Variants in YEATS2 observed in about 807,000 individuals in gnomAD.
YEATS2 encodes the protein YEATS domain containing 2, also known as YEATS domain-containing protein 2.
Under a neutral mutation model 163.2 loss-of-function variants are expected in YEATS2, and 77 were observed. The ratio of observed to expected loss-of-function variants is 0.47; its 90% CI spans 0.39 to 0.57. The LOEUF (loss-of-function observed/expected upper bound fraction) is 0.57. Among genes scored for constraint, YEATS2 ranks in the 20% least tolerant of loss-of-function variants. The probability of loss-of-function intolerance (pLI) is 0.00; values close to 1 mark genes in which losing one functional copy is unlikely to be tolerated. For missense variants in YEATS2, 1,549 were observed against 1,729.8 expected, an observed-to-expected ratio of 0.90 and a Z score of 1.85; for synonymous variants, 631 against 645.1, an observed-to-expected ratio of 0.98 and a Z score of 0.33.
intron 8 of YEATS2, among the ~76,000 whole-genome samples, chr3:183,737,037 T>G (rs1718412322): frequency 6.6e-6 from 1 of 152,202 alleles, no homozygotes; most frequent in Non-Finnish European, 1.5e-5. Context: ...ATATTTTGTA[T>G]CTTATATATA....
At chr3:183,740,668 A>T (rs546456355) in intron 8 of YEATS2, among the ~76,000 whole-genome samples, 8 of 152,320 alleles carry the variant, frequency 5.3e-5, no homozygotes, top group African/African-American at 1.9e-4. Flanking sequence ...TTGGTTCGTG[A>T]GGTTTAAGGA....
chr3:183,807,060 G>A lies in YEATS2; in HGVS notation c.3979G>A (p.Gly1327Arg). ...EVKFYLPPTP[G>R]SEFIGDVTQK... is the part of the protein sequence containing the mutation. Reference sequence around the variant, plus strand: ...CAAGTTCTACCTGCCACCAACCCCAGGGTCTGAATTTATTGGGGATGTCAC... The same window carrying A: ...CAAGTTCTACCTGCCACCAACCCCAAGGTCTGAATTTATTGGGGATGTCAC... Residue 1327 changes from glycine (G) to arginine (R), a missense_variant, in exon 28 of 31, where the codon GGG becomes AGG. Gly to Arg is a moderately radical substitution (Grantham distance 125, BLOSUM62 -2). Transcript: ENST00000305135. The A allele has an allele frequency of 6.2e-7, 1 of 1,613,924 alleles. No homozygotes were observed. The highest frequency in any genetic ancestry group is 8.5e-7 in the Non-Finnish European group (1 of 1,179,998).
At chr3:183,793,994 T>G (rs1220517589) in intron 21 of YEATS2, among the ~76,000 whole-genome samples, 1 of 152,198 alleles carries the variant, frequency 6.6e-6, no homozygotes, top group Non-Finnish European at 1.5e-5. Flanking sequence ...CATCGTAAAC[T>G]GCATTAAACT....
At chr3:183,737,704 A>G (rs1332745708) in intron 8 of YEATS2, among the ~76,000 whole-genome samples, 2 of 152,248 alleles carry the variant, frequency 1.3e-5, no homozygotes, top group African/African-American at 2.4e-5. Flanking sequence ...AAATCCTTTA[A>G]TGATAAATGT....
chr3:183,783,893 C>T (rs1433081966), intron 19 of YEATS2, among the ~76,000 whole-genome samples: 1 of 152,086 alleles, frequency 6.6e-6, no homozygotes, highest in African/African-American at 2.4e-5. Flanking sequence ...GATATATACA[C>T]ATAGATTGCT....
intron 7 of YEATS2, among the ~76,000 whole-genome samples, chr3:183,729,115 AC>A (rs1309853664): frequency 6.6e-6 from 1 of 152,112 alleles, no homozygotes; most frequent in African/African-American, 2.4e-5. Context: ...CACTAAAGAT[AC>A]AAAAAATTAG....
chr3:183,809,260 A>G lies in YEATS2; in HGVS notation c.4160+90A>G. ...ATGAAGGTGTTTTATACTTACATCA[A>G]TCCAGTAGGAGATGGAGTGAGTGCT... On this transcript the variant is annotated intron_variant, in intron 30 of 30. Transcript: ENST00000305135. The G allele has an allele frequency of 3.1e-6, 4 of 1,294,378 alleles. No individual in the cohort carries two copies. In the Admixed American group the frequency reaches 6.8e-5, roughly 22 times the overall value. 80.2% of individuals were successfully genotyped at this position (1,294,378 alleles called of 1,614,324 possible). A position where few individuals can be genotyped will look rare whatever the true frequency, so the allele number is the denominator to read the frequency against.
intron 15 of YEATS2, among the ~76,000 whole-genome samples, chr3:183,763,380 G>A (rs903990489): frequency 6.6e-6 from 1 of 152,216 alleles, no homozygotes; most frequent in Non-Finnish European, 1.5e-5. Flanking sequence ...TAAAAATACA[G>A]TGTTATAATC....
rs903740005 is a variant in YEATS2 at position 183,757,866 on chromosome 3, C to T, written c.1553-996C>T. ...TGTTCAAGGCTTACCCAGTACCTTT[C>T]GAACATACTTAAGGATGCCAAATAG... On this transcript the variant is annotated intron_variant, in intron 12 of 30. Transcript: ENST00000305135. Among the ~76,000 whole-genome samples, 5 of 150,870 alleles carry T rather than the reference C, an allele frequency of 3.3e-5. No individual in the cohort carries two copies. In the South Asian group the frequency reaches 1.0e-3, roughly 31 times the overall value.
chr3:183,736,577 G>A, intron 7 of YEATS2, 141 bp from the exon 8 acceptor site: 1 of 604,286 alleles, frequency 1.7e-6, no homozygotes, highest in Non-Finnish European at 2.7e-6. Flanking sequence ...AATTCGGCAT[G>A]TTGATTTAGT....
chr3:183,773,902 T>C (rs1722721585), intron 17 of YEATS2, 108 bp downstream of exon 17: 9 of 1,299,890 alleles, frequency 6.9e-6, no homozygotes, highest in Middle Eastern at 1.9e-4. Context: ...TTTCTGTAAC[T>C]CTGTTGGGTG....
chr3:183,732,718 C>A (rs951958980), intron 7 of YEATS2, among the ~76,000 whole-genome samples: 4 of 151,722 alleles, frequency 2.6e-5, no homozygotes, highest in Non-Finnish European at 5.9e-5. Flanking sequence ...CGCCACCACT[C>A]CCGGCTAACG....
intron 4 of YEATS2, 69 bp downstream of exon 4, chr3:183,718,661 A>C: frequency 5.1e-6 from 6 of 1,185,378 alleles, no homozygotes; most frequent in Non-Finnish European, 7.2e-6. Context: ...AGTTATGTCA[A>C]TATGGAATCC....
At chr3:183,734,040 CTG>C (rs1718086878) in intron 7 of YEATS2, among the ~76,000 whole-genome samples, 1 of 152,162 alleles carries the variant, frequency 6.6e-6, no homozygotes, top group South Asian at 2.1e-4. Context: ...ACCTTCGTAT[CTG>C]TTTTATTTCA....
chr3:183,761,180 C>T (rs914191265), intron 13 of YEATS2, among the ~76,000 whole-genome samples: 6 of 151,958 alleles, frequency 3.9e-5, no homozygotes, highest in Non-Finnish European at 7.4e-5. Flanking sequence ...CTCTGCCTCC[C>T]TGGTTCAAGT....
chr3:183,786,411 T>C (rs905219550), intron 20 of YEATS2, 110 bp downstream of exon 20: 2 of 1,037,610 alleles, frequency 1.9e-6, no homozygotes, highest in Non-Finnish European at 2.7e-6. Flanking sequence ...TACTCAACTA[T>C]TGCTTTTTTT....
chr3:183,787,058 G>A (rs776728132), intron 20 of YEATS2, among the ~76,000 whole-genome samples: 4 of 152,046 alleles, frequency 2.6e-5, no homozygotes, highest in African/African-American at 7.2e-5. Context: ...GGGTTCAAGC[G>A]ATTCCCCTGC....
At chr3:183,700,632 T>C (rs979495565) in intron 1 of YEATS2, among the ~76,000 whole-genome samples, 2 of 143,604 alleles carry the variant, frequency 1.4e-5, no homozygotes, top group Admixed American at 7.3e-5. Flanking sequence ...AGAATCACAG[T>C]CTGTTGCCCA....
chr3:183,725,724 A>G (rs138788682), intron 6 of YEATS2, among the ~76,000 whole-genome samples: 3 of 152,328 alleles, frequency 2.0e-5, no homozygotes, highest in African/African-American at 4.8e-5. Context: ...GCAAGCTACA[A>G]TTGAAGATGA....
Sources: allele counts gnomAD v4.1 joint callset (sites outside exome capture counted in the v4.1 genomes callset), GRCh38; gene constraint gnomAD v4.1.1; transcripts MANE v1.5; gene names NCBI Gene and HGNC (gene_info 2026-07-23, HGNC 2026-07-21).